The following MYCBPAP variants were observed in gnomAD, a reference collection of about 807,000 sequenced individuals.
The protein encoded by MYCBPAP is MYCBP associated protein, also known as MYCBP-associated protein.
Under a neutral mutation model 106.1 loss-of-function variants are expected in MYCBPAP, and 60 were observed. The observed-to-expected ratio is 0.57, with a 90% CI of 0.46 to 0.70. The LOEUF (loss-of-function observed/expected upper bound fraction) is 0.70. Ranked by LOEUF, MYCBPAP falls within the 30% of genes least tolerant of loss-of-function variation. The pLI, the probability that MYCBPAP is intolerant of heterozygous loss-of-function variation, is 0.00. For missense variants in MYCBPAP, 1,064 were observed against 1,169.3 expected, an observed-to-expected ratio of 0.91 and a Z score of 1.31; for synonymous variants, 407 against 440.6, an observed-to-expected ratio of 0.92 and a Z score of 0.95.
chr17:50,519,380 G>T, intron 6 of MYCBPAP: 1 of 587,760 alleles, frequency 1.7e-6, no homozygotes, highest in Non-Finnish European at 3.0e-6. Flanking sequence ...GAGAGAGGTT[G>T]AAGAGTCCCC....
chr17:50,510,497 GTGTATATATATATA>G (rs1188185032), intron 1 of MYCBPAP: 4 of 89,502 alleles, frequency 4.5e-5, no homozygotes, highest in Non-Finnish European at 8.5e-5. Context: ...GTGTGTGTGT[GTGTATATATATATA>G]TATATATATA....
chr17:50,518,634 C>G lies in MYCBPAP; in HGVS notation c.562C>G (p.Pro188Ala), dbSNP rs1276627504. ...KQKAPKEEKR[P>A]PWAPPPQHNF... The stretch of plus-strand genomic sequence containing the variant: ...AAAAGCCCCAAAAGAAGAGAAGAGA[C>G]CTCCCTGGGCCCCACCTCCTCAGCA... The change falls in exon 5 of 19, where the codon CCT (proline) becomes GCT (alanine). Residue 188 changes from proline to alanine, a missense_variant. Coordinates refer to ENST00000323776, the MANE Select transcript of MYCBPAP (RefSeq NM_032133.6). 1 of 1,610,780 alleles carries G rather than the reference C, an allele frequency of 6.2e-7. No homozygotes were observed. Among genetic ancestry groups the G allele is most frequent in the Non-Finnish European group, 8.5e-7 (1 of 1,178,986 alleles).
Position 50,527,394 on chromosome 17 carries a change from C to T in MYCBPAP, c.2277C>T (p.Leu759=). ...AGCCAAGGCCATTGCAGTCCAACCT[C>T]CTGCACCAGATGTGGTAGGTGCCCT... is the stretch of plus-strand genomic sequence containing the variant. The part of the protein sequence containing the change: ...CQKPRPLQSN[L]LHQMCLQLWR... Residue 759 remains leucine, a synonymous_variant, in exon 15 of 19, where the codon CTC becomes CTT. Transcript: ENST00000323776. 6.2e-7 allele frequency: 1 copy of T among 1,614,040 alleles called. No individual in the cohort carries two copies. Among genetic ancestry groups the T allele is most frequent in the South Asian group, 1.1e-5 (1 of 91,074 alleles).
rs763840189 is a variant in MYCBPAP at position 50,517,339 on chromosome 17, C to T, written c.251C>T (p.Thr84Ile). The stretch of plus-strand genomic sequence containing the variant: ...GAAAAGGAAGATAAACGTGTCATCA[C>T]CCAGAAATTTATCATCCGTAAACTC... Reference protein sequence around the residue: ...LTEKEDKRVITQKFIIRKLKP... With the variant: ...LTEKEDKRVIIQKFIIRKLKP... Residue 84 changes from threonine (T) to isoleucine (I), a missense_variant, in exon 3 of 19, where the codon ACC becomes ATC. Coordinates refer to ENST00000323776, the MANE Select transcript of MYCBPAP (RefSeq NM_032133.6). 6 of 1,614,014 alleles carry T rather than the reference C, an allele frequency of 3.7e-6. No individual in the cohort carries two copies. Among genetic ancestry groups the T allele is most frequent in the South Asian group, 1.1e-5 (1 of 91,072 alleles).
At chr17:50,514,241 G>A (rs570676736) in intron 1 of MYCBPAP, among the ~76,000 whole-genome samples, 46 of 151,978 alleles carry the variant, frequency 3.0e-4, no homozygotes, top group African/African-American at 9.6e-4. Flanking sequence ...GAGTTTTTTT[G>A]GCCACCAACT....
At position 50,519,105 on chromosome 17, in the gene MYCBPAP, C is replaced by G. The variant is rs953967121; in HGVS notation, c.768+16C>G. The G allele has an allele frequency of 1.9e-6, 3 of 1,556,088 alleles. No individual in the cohort carries two copies. The Admixed American group carries it at 5.1e-5, about 27-fold the overall frequency. On this transcript the variant is annotated intron_variant, in intron 6 of 18. Coordinates refer to ENST00000323776, the MANE Select transcript of MYCBPAP (RefSeq NM_032133.6). ...TGATAGGAAAGTGAGGCCACCTGTC[C>G]TAAGTGCCCGGGGGCAGGGGGGTCC...
At chr17:50,514,509 G>A (rs950711905) in intron 1 of MYCBPAP, among the ~76,000 whole-genome samples, 1 of 152,196 alleles carries the variant, frequency 6.6e-6, no homozygotes, top group Non-Finnish European at 1.5e-5. Flanking sequence ...GTTTGATCCT[G>A]TTAAGCCACC....
chr17:50,529,118 T>C lies in MYCBPAP; in HGVS notation c.2654T>C (p.Ile885Thr). 6.2e-7 allele frequency: 1 copy of C among 1,614,020 alleles called. No individual in the cohort carries two copies. The highest frequency in any genetic ancestry group is 1.1e-5 in the South Asian group (1 of 91,078). ...TCTTTGGAAGACCCTACCCCTGACA[T>C]CATCCTCTCTTCTCAAGAACCCATA... ...RFSLEDPTPD[I>T]ILSSQEPIDP... Residue 885 changes from isoleucine (I) to threonine (T), a missense_variant, in exon 18 of 19, where the codon ATC (isoleucine) becomes ACC (threonine). Ile to Thr is a moderately conservative substitution (Grantham distance 89, BLOSUM62 -1). Coordinates refer to ENST00000323776, the MANE Select transcript of MYCBPAP (RefSeq NM_032133.6).
chr17:50,519,596 C>A (rs1047679045), intron 6 of MYCBPAP, 44 bp from the exon 7 acceptor site: 4 of 1,609,664 alleles, frequency 2.5e-6, no homozygotes, highest in Non-Finnish European at 3.4e-6. Context: ...CAGCATCTGG[C>A]TGAGGTGTCC....
In MYCBPAP at chr17:50,525,250, T is replaced by C. The variant is rs112673981; in HGVS notation, c.1782+227T>C. 8.7e-3 allele frequency: 3,918 copies of C among 452,228 alleles called. 137 individuals are homozygous for C. Among genetic ancestry groups the C allele is most frequent in the African/African-American group, 0.072 (3,546 of 49,358 alleles). 28.0% of individuals were successfully genotyped at this position (452,228 alleles called of 1,614,324 possible). On this transcript the variant is annotated intron_variant, in intron 13 of 18. Transcript: ENST00000323776. Reference sequence around the variant, plus strand: ...TGTACACTCCTTATGAGAATCTAACTAATGCCTGATGATCTGAGGTGGAAG... The same window carrying C: ...TGTACACTCCTTATGAGAATCTAACCAATGCCTGATGATCTGAGGTGGAAG...
In MYCBPAP at chr17:50,517,680, T is replaced by C. The variant is rs771047810; in HGVS notation, c.450T>C (p.Leu150=). The C allele has an allele frequency of 2.5e-6, 4 of 1,614,034 alleles. No homozygotes were observed. In the African/African-American group the frequency reaches 4.0e-5, roughly 16 times the overall value. ...GSLQDFKRIA[L]ARGNTQLAER... ...TCCAGGATTTTAAGAGAATTGCACTTGCTCGAGGGAACACCCAGGTTTGTT... is the reference window on the plus strand; with the variant it reads ...TCCAGGATTTTAAGAGAATTGCACTCGCTCGAGGGAACACCCAGGTTTGTT... The change falls in exon 4 of 19, where the codon CTT becomes CTC. Residue 150 remains leucine (L), a synonymous_variant. Coordinates refer to ENST00000323776, the MANE Select transcript of MYCBPAP (RefSeq NM_032133.6).
Position 50,523,752 on chromosome 17 carries a change from G to T in MYCBPAP, c.1603G>T (p.Asp535Tyr), listed in dbSNP as rs376014885. The change falls in exon 12 of 19, where the codon GAC (aspartate) becomes TAC (tyrosine). Residue 535 changes from aspartate (D) to tyrosine (Y), a missense_variant. Physicochemically the swap from Asp to Tyr is radical, Grantham distance 160 (BLOSUM62 -3). Transcript: ENST00000323776. Reference sequence around the variant, plus strand: ...TCTCCACGCGGTCTCCCTGACCCAGGACGTTTTTGAGGATGAGAGGAAAGT... The same window carrying T: ...TCTCCACGCGGTCTCCCTGACCCAGTACGTTTTTGAGGATGAGAGGAAAGT... ...VNLHAVSLTQDVFEDERKVLE... is the reference protein window; with the variant it reads ...VNLHAVSLTQYVFEDERKVLE... 25 of 1,614,006 alleles carry T rather than the reference G, an allele frequency of 1.5e-5. No individual in the cohort carries two copies. Among genetic ancestry groups the T allele is most frequent in the Admixed American group, 6.7e-5 (4 of 59,986 alleles).
rs750941423 is a variant in MYCBPAP, at chr17:50,518,533, C to G, written c.469-8C>G. The G allele has an allele frequency of 6.4e-7, 1 of 1,560,014 alleles. No individual in the cohort carries two copies. The highest frequency in any genetic ancestry group is 1.2e-5 in the South Asian group (1 of 80,562). ...CTGCCCTCCACATACCTATGTTGTA[C>G]TTTTCAGCTGGCTGAGCGGATACCT... On this transcript the variant is annotated splice_polypyrimidine_tract_variant and splice_region_variant and intron_variant, in intron 4 of 18. Coordinates refer to ENST00000323776, the MANE Select transcript of MYCBPAP (RefSeq NM_032133.6).
chr17:50,513,379 T>G (rs2033929564), intron 1 of MYCBPAP, among the ~76,000 whole-genome samples: 1 of 137,180 alleles, frequency 7.3e-6, no homozygotes, highest in South Asian at 2.2e-4. Flanking sequence ...AGAGTGAGAC[T>G]CCATCTCAAG....
At position 50,531,372 on chromosome 17, in the gene MYCBPAP, G is replaced by T. The variant is rs772590703; in HGVS notation, c.2770G>T (p.Ala924Ser). The part of the protein sequence containing the change: ...DTLVTDLMVL[A>S]DELSPIKNVE... ...CCTGGTGACTGACCTGATGGTCCTG[G>T]CTGATGAGCTCAGCCCCATAAAGAA... Residue 924 changes from alanine to serine, a missense_variant, in exon 19 of 19, where the codon GCT (alanine) becomes TCT (serine). By Grantham distance (99) the Ala-to-Ser change is moderately conservative (BLOSUM62 1). Transcript: ENST00000323776. 6.8e-6 allele frequency: 11 copies of T among 1,613,420 alleles called. No individual in the cohort carries two copies. In the African/African-American group the frequency reaches 1.2e-4, roughly 18 times the overall value.
intron 18 of MYCBPAP, 52 bp from the exon 19 acceptor site, chr17:50,531,275 A>T: frequency 8.1e-7 from 1 of 1,234,024 alleles, no homozygotes; most frequent in Non-Finnish European, 1.2e-6. Context: ...GTTCATATAT[A>T]GGTGCTTCCC....
chr17:50,516,744 C>G (rs369605424), intron 2 of MYCBPAP, 47 bp downstream of exon 2: 141 of 1,608,976 alleles, frequency 8.8e-5, no homozygotes, highest in Non-Finnish European at 1.2e-4. Context: ...CGTTTCCCTG[C>G]CGGCAGCCTG....
chr17:50,527,351 C>T lies in MYCBPAP; in HGVS notation c.2234C>T (p.Ala745Val), dbSNP rs1005263912. 2 of 1,614,018 alleles carry T rather than the reference C, an allele frequency of 1.2e-6. No homozygotes were observed. Among genetic ancestry groups the T allele is most frequent in the African/African-American group, 2.7e-5 (2 of 74,914 alleles). ...GCGTTGATGAGGCTCAACAAAGCAG[C>T]CCTGGAGCTGTGCCAGAAGCCAAGG... is the stretch of plus-strand genomic sequence containing the variant. ...EDALMRLNKA[A>V]LELCQKPRPL... The change falls in exon 15 of 19, where the codon GCC becomes GTC. Residue 745 changes from alanine to valine, a missense_variant. Physicochemically the swap from Ala to Val is moderately conservative, Grantham distance 64. Coordinates refer to ENST00000323776, the MANE Select transcript of MYCBPAP (RefSeq NM_032133.6).
Position 50,521,366 on chromosome 17 carries a change from T to A in MYCBPAP, c.1083T>A (p.Val361=). The part of the protein sequence containing the change: ...VVGKGWPFSA[V]TVEDYTVFER... ...GCAAAGGGTGGCCCTTCTCGGCTGT[T>A]ACTGTGGAAGACTACACAGTGTTTG... The change falls in exon 9 of 19, where the codon GTT becomes GTA. Residue 361 remains valine (V), a synonymous_variant. Transcript: ENST00000323776. The A allele has an allele frequency of 6.2e-7, 1 of 1,606,616 alleles. No individual in the cohort carries two copies. Among genetic ancestry groups the A allele is most frequent in the Non-Finnish European group, 8.5e-7 (1 of 1,176,206 alleles).
Sources: gnomAD v4.1 joint callset for allele counts (sites outside exome capture counted in the v4.1 genomes callset) on GRCh38, gnomAD v4.1.1 for gene constraint, MANE v1.5 for transcripts, NCBI Gene and HGNC (gene_info 2026-07-23, HGNC 2026-07-21) for gene names.